Variants in KIAA2012 observed in about 807,000 individuals in gnomAD.
KIAA2012 encodes uncharacterized protein KIAA2012.
In KIAA2012, 125 loss-of-function variants were observed where a neutral mutation model predicts 150.6. The observed-to-expected ratio is 0.83, with a 90% CI of 0.72 to 0.96. KIAA2012 has a LOEUF of 0.96. KIAA2012 is among the 40% of genes least tolerant of loss of function. The pLI, the probability that KIAA2012 is intolerant of heterozygous loss-of-function variation, is 0.00. For synonymous variants in KIAA2012, 462 were observed against 504.7 expected (o/e 0.92, Z 1.13); for missense variants, 1,219 against 1,354.9 (o/e 0.90, Z 1.57).
At chr2:202,165,676 G>A (rs915790430) in intron 15 of KIAA2012, among the ~76,000 whole-genome samples, 3 of 152,016 alleles carry the variant, frequency 2.0e-5, no homozygotes, top group Admixed American at 6.6e-5. Flanking sequence ...AGCTGAGATC[G>A]CACCACTGCA....
Position 202,081,606 on chromosome 2 carries a change from G to A in KIAA2012, c.369+6431G>A, listed in dbSNP as rs954594386. On this transcript the variant is annotated intron_variant, in intron 2 of 23. Transcript: ENST00000498697. ...CTTGTTGCCCAGACTGGAGTGCAAT[G>A]GCGCGATCTCAGCTCACCACAACCT... 6.1e-5 allele frequency among the ~76,000 whole-genome samples: 9 copies of A among 148,394 alleles called. No individual in the cohort carries two copies. In the East Asian group the frequency reaches 9.9e-4, roughly 16 times the overall value.
rs1204687353 is a variant in KIAA2012, at chr2:202,136,020, CAG to C, written c.1832-2409_1832-2408del. The C allele has an allele frequency of 4.2e-5, 14 of 335,146 alleles. No homozygotes were observed. In the Admixed American group the frequency reaches 4.5e-4, roughly 11 times the overall value. The allele number at this position is 335,146 out of a possible 1,614,324, so 20.8% of individuals were successfully genotyped here. On this transcript the variant is annotated intron_variant, in intron 12 of 23. Coordinates refer to ENST00000498697, the MANE Select transcript of KIAA2012 (RefSeq NM_001277372.4). Reference sequence around the variant, plus strand: ...AAAAAAAAAAAAATTTTTTTTGAAACAGAGTCTCACTCTGTTGTGTCCGGAAA... The same window carrying C: ...AAAAAAAAAAAAATTTTTTTTGAAACAGTCTCACTCTGTTGTGTCCGGAAA...
At chr2:202,115,517 T>C (rs1690494057) in intron 11 of KIAA2012, 1 of 152,344 alleles carries the variant, frequency 6.6e-6, no homozygotes, top group East Asian at 1.9e-4. Flanking sequence ...CACAGCTGCC[T>C]AGATGTAGCC....
chr2:202,132,481 A>G (rs1180980727), intron 12 of KIAA2012, among the ~76,000 whole-genome samples: 1 of 151,782 alleles, frequency 6.6e-6, no homozygotes, highest in Non-Finnish European at 1.5e-5. Context: ...AGCCTGGCCA[A>G]CATGGCAAAA....
At chr2:202,157,124 G>A (rs960416065) in intron 14 of KIAA2012, among the ~76,000 whole-genome samples, 2 of 152,062 alleles carry the variant, frequency 1.3e-5, no homozygotes, top group South Asian at 2.1e-4. Flanking sequence ...CGAAGTACAC[G>A]CTCGGTACAC....
intron 3 of KIAA2012, among the ~76,000 whole-genome samples, chr2:202,092,614 G>A (rs1229432700): frequency 6.6e-6 from 1 of 152,144 alleles, no homozygotes; most frequent in African/African-American, 2.4e-5. Flanking sequence ...TGGGCCCATT[G>A]GGAAGTCCTC....
At chr2:202,109,841 A>C in intron 10 of KIAA2012, 52 bp downstream of exon 10, 6 of 1,452,122 alleles carry the variant, frequency 4.1e-6, no homozygotes, top group Non-Finnish European at 5.5e-6. Flanking sequence ...AATGTGGCTC[A>C]TTGCCAGGGC....
intron 4 of KIAA2012, among the ~76,000 whole-genome samples, chr2:202,094,071 T>C (rs562732019): frequency 6.6e-6 from 1 of 152,314 alleles, no homozygotes; most frequent in South Asian, 2.1e-4. Context: ...TACTTGAGGC[T>C]AGGAGCTTGA....
In KIAA2012 at chr2:202,194,180, G is replaced by A. The variant is rs1692367137; in HGVS notation, c.3015-10G>A. ...TCTGCCATTTCCCTGACCATCTTGG[G>A]TTTTCTCAGCTTGAGGAAACAGAGA... On this transcript the variant is annotated splice_polypyrimidine_tract_variant and intron_variant, in intron 20 of 23. Transcript: ENST00000498697. The A allele has an allele frequency of 3.2e-6, 5 of 1,550,200 alleles. No individual in the cohort carries two copies. The highest frequency in any genetic ancestry group is 4.4e-6 in the Non-Finnish European group (5 of 1,146,806).
intron 2 of KIAA2012, among the ~76,000 whole-genome samples, chr2:202,080,831 T>C (rs1451547566): frequency 6.6e-6 from 1 of 152,228 alleles, no homozygotes; most frequent in Non-Finnish European, 1.5e-5. Flanking sequence ...CCTTTTTTAT[T>C]GTAGCAAAAT....
Position 202,193,279 on chromosome 2 carries a change from TGAG to T in KIAA2012, c.2812-21_2812-19del. ...AGACAGACCCATCTGTTTATTGCAC[TGAG>T]AACACTCTGGTTTCTTAGGCCCTCC... On this transcript the variant is annotated intron_variant, in intron 19 of 23. Transcript: ENST00000498697. 6.5e-7 allele frequency: 1 copy of T among 1,547,974 alleles called. No homozygotes were observed. The highest frequency in any genetic ancestry group is 8.7e-7 in the Non-Finnish European group (1 of 1,146,390).
At chr2:202,148,972 G>A (rs1057036847) in intron 13 of KIAA2012, among the ~76,000 whole-genome samples, 19 of 152,150 alleles carry the variant, frequency 1.2e-4, no homozygotes, top group African/African-American at 4.1e-4. Context: ...CCCACTGCCC[G>A]CTTTTAGGTC....
At chr2:202,168,417 CA>C (rs59232782) in intron 15 of KIAA2012, among the ~76,000 whole-genome samples, 37,727 of 91,482 alleles carry the variant, frequency 0.41, 3,989 homozygotes, top group East Asian at 0.56. Context: ...GACTCTGTCT[CA>C]AAAAAAAAAA....
chr2:202,078,411 C>G (rs1408154241), intron 2 of KIAA2012, among the ~76,000 whole-genome samples: 1 of 152,200 alleles, frequency 6.6e-6, no homozygotes, highest in African/African-American at 2.4e-5. Flanking sequence ...ATCTCAGCCT[C>G]CCCAGTAGCT....
At position 202,097,419 on chromosome 2, in the gene KIAA2012, T is replaced by C; in HGVS notation, c.686-16T>C. ...ATTTCCAGGGTGACAAGCTGACCCA[T>C]TGTTCACCATTGCAGGTCAACAGGG... is the stretch of plus-strand genomic sequence containing the variant. On this transcript the variant is annotated splice_polypyrimidine_tract_variant and intron_variant, in intron 4 of 23. Transcript: ENST00000498697. The C allele has an allele frequency of 6.5e-7, 1 of 1,550,194 alleles. No individual in the cohort carries two copies. The highest frequency in any genetic ancestry group is 1.4e-5 in the African/African-American group (1 of 73,118).
At chr2:202,133,130 A>ATATATATATATTTTTTTTTTTTTT (rs1279080237) in intron 12 of KIAA2012, among the ~76,000 whole-genome samples, 3 of 67,782 alleles carry the variant, frequency 4.4e-5, no homozygotes, top group South Asian at 5.4e-4. Context: ...ATATATATAT[A>ATATATATATATTTTTTTTTTTTTT]TTTTTTTTTT....
At chr2:202,133,326 C>T (rs1351871745) in intron 12 of KIAA2012, among the ~76,000 whole-genome samples, 1 of 151,248 alleles carries the variant, frequency 6.6e-6, no homozygotes, top group East Asian at 1.9e-4. Flanking sequence ...TGTTATGCAT[C>T]TCGAATTTAA....
At chr2:202,098,632 C>T (rs1232008521) in intron 5 of KIAA2012, among the ~76,000 whole-genome samples, 1 of 152,086 alleles carries the variant, frequency 6.6e-6, no homozygotes, top group Non-Finnish European at 1.5e-5. Flanking sequence ...TTGGGTCCTG[C>T]TTTTTGATAG....
intron 2 of KIAA2012, among the ~76,000 whole-genome samples, chr2:202,081,469 C>T (rs565218541): frequency 3.1e-3 from 474 of 152,244 alleles, no homozygotes; most frequent in African/African-American, 0.01. Flanking sequence ...TACATTCCCA[C>T]CAGCAGCGCA....
Sources: gnomAD v4.1 joint callset for allele counts (sites outside exome capture counted in the v4.1 genomes callset) on GRCh38, gnomAD v4.1.1 for gene constraint, MANE v1.5 for transcripts, NCBI Gene and HGNC (gene_info 2026-07-23, HGNC 2026-07-21) for gene names.